The following METTL8 variants were observed in gnomAD, a reference collection of about 807,000 sequenced individuals.
METTL8 encodes methyltransferase 8, tRNA N3-cytidine.
A neutral mutation model predicts 48.7 loss-of-function variants in METTL8; 32 were observed. The observed-to-expected ratio is 0.66, with a 90% CI of 0.50 to 0.88. The LOEUF (loss-of-function observed/expected upper bound fraction) is 0.88. METTL8 is among the 40% of genes least tolerant of loss of function. The pLI, the probability that METTL8 is intolerant of heterozygous loss-of-function variation, is 0.00. For missense variants in METTL8, 464 were observed against 474.4 expected (o/e 0.98, Z 0.20); for synonymous variants, 136 against 157.1 (o/e 0.87, Z 1.01).
chr2:171,402,081 T>C (rs1292415587), intron 1 of METTL8, among the ~76,000 whole-genome samples: 1 of 152,108 alleles, frequency 6.6e-6, no homozygotes, highest in African/African-American at 2.4e-5. Flanking sequence ...AAAGATTAAG[T>C]CTACTAGTGG....
chr2:171,381,938 C>T (rs912231667), intron 2 of METTL8, among the ~76,000 whole-genome samples: 3 of 152,026 alleles, frequency 2.0e-5, no homozygotes, highest in African/African-American at 4.8e-5. Context: ...CGCATCACCA[C>T]GCCCAGCTAA....
chr2:171,345,226 A>G (rs1687150546), intron 3 of METTL8, among the ~76,000 whole-genome samples: 1 of 152,230 alleles, frequency 6.6e-6, no homozygotes, highest in African/African-American at 2.4e-5. Context: ...AAGAAGGAAT[A>G]TGCACGCTAA....
intron 2 of METTL8, among the ~76,000 whole-genome samples, chr2:171,375,904 T>C (rs545886179): frequency 6.6e-6 from 1 of 152,338 alleles, no homozygotes; most frequent in South Asian, 2.1e-4. Flanking sequence ...TTTCCTTTTA[T>C]TTTGCAGGTA....
chr2:171,381,938 C>A (rs912231667), intron 2 of METTL8, among the ~76,000 whole-genome samples: 3 of 152,026 alleles, frequency 2.0e-5, no homozygotes, highest in Admixed American at 6.6e-5. Flanking sequence ...CGCATCACCA[C>A]GCCCAGCTAA....
chr2:171,350,230 G>A (rs4668384), intron 3 of METTL8, among the ~76,000 whole-genome samples: 27,255 of 152,074 alleles, frequency 0.18, 3,029 homozygotes, highest in Admixed American at 0.28. Flanking sequence ...TTCTGTCCTC[G>A]CGACAGTTTG....
intron 1 of METTL8, among the ~76,000 whole-genome samples, chr2:171,418,586 T>C (rs79966839): frequency 0.047 from 7,119 of 152,276 alleles, 236 homozygotes; most frequent in African/African-American, 0.085. Flanking sequence ...ACTTATGTTA[T>C]ACTTCATGTT....
At chr2:171,391,276 CTACAG>C (rs1382548292) in intron 2 of METTL8, among the ~76,000 whole-genome samples, 3 of 152,200 alleles carry the variant, frequency 2.0e-5, no homozygotes, top group Admixed American at 2.0e-4. Context: ...ACTTAAGAGA[CTACAG>C]TATAGTGTAA....
chr2:171,429,643 A>G (rs755261569), intron 1 of METTL8, among the ~76,000 whole-genome samples: 5 of 152,254 alleles, frequency 3.3e-5, no homozygotes, highest in Non-Finnish European at 5.9e-5. Flanking sequence ...AGAAAGAGAC[A>G]AGATGAGGAG....
chr2:171,427,613 G>T (rs1198602891), intron 1 of METTL8, among the ~76,000 whole-genome samples: 7 of 152,168 alleles, frequency 4.6e-5, no homozygotes, highest in African/African-American at 1.7e-4. Context: ...GACTGTTGCA[G>T]ATCAGCTCCT....
At chr2:171,383,275 T>A (rs968966346) in intron 2 of METTL8, among the ~76,000 whole-genome samples, 1 of 152,148 alleles carries the variant, frequency 6.6e-6, no homozygotes, top group African/African-American at 2.4e-5. Flanking sequence ...TTAAGTGGGT[T>A]ACATAATAGA....
chr2:171,378,684 G>A (rs1205231148), intron 2 of METTL8, among the ~76,000 whole-genome samples: 1 of 151,734 alleles, frequency 6.6e-6, no homozygotes, highest in Non-Finnish European at 1.5e-5. Flanking sequence ...ATGGTAAAGG[G>A]ATCAATTCAC....
rs896804020 is a variant in METTL8 at position 171,323,532 on chromosome 2, C to G, written c.*640G>C. The G allele has an allele frequency of 6.6e-6, 1 of 152,056 alleles. No homozygotes were observed. The highest frequency in any genetic ancestry group is 1.5e-5 in the Non-Finnish European group (1 of 68,058). The allele number at this position is 152,056 out of a possible 1,614,324, so 9.4% of individuals were successfully genotyped here. ...TACAGGTGCGAGCCATTGCACCTGG[C>G]CTAACAACTTGTATATCTAAGAATA... On this transcript the variant is annotated 3_prime_UTR_variant, in exon 10 of 10. Transcript: ENST00000375258.
At chr2:171,349,679 C>G (rs1344555419) in intron 3 of METTL8, among the ~76,000 whole-genome samples, 1 of 152,036 alleles carries the variant, frequency 6.6e-6, no homozygotes, top group African/African-American at 2.4e-5. Flanking sequence ...GCATATAACC[C>G]AGAGGTGGGA....
Position 171,324,112 on chromosome 2 carries a change from C to G in METTL8, c.*60G>C. On this transcript the variant is annotated 3_prime_UTR_variant, in exon 10 of 10. Coordinates refer to ENST00000375258, the MANE Select transcript of METTL8 (RefSeq NM_001321154.2). ...TCATTGTCTTTTGAGAAACAATAGA[C>G]TTACAGTAGTCCTTGAATAGCACAG... The G allele has an allele frequency of 8.3e-7, 1 of 1,205,150 alleles. No individual in the cohort carries two copies. The allele number at this position is 1,205,150 out of a possible 1,614,324, so 74.7% of individuals were successfully genotyped here.
chr2:171,400,239 C>T (rs184292836), intron 1 of METTL8, among the ~76,000 whole-genome samples: 13 of 152,220 alleles, frequency 8.5e-5, no homozygotes, highest in Admixed American at 7.9e-4. Context: ...CCAGTCCAAG[C>T]AGTCTAATTA....
rs1261239441 is a variant in METTL8 at position 171,320,975 on chromosome 2, C to A, written c.*3197G>T. On this transcript the variant is annotated 3_prime_UTR_variant, in exon 10 of 10. Transcript: ENST00000375258. ...CTAGTCTAGGTTATCTACAAGCTGA[C>A]CCCCTTCCCATCTTTTCTACCTATC... 2 of 152,134 alleles carry A rather than the reference C, an allele frequency of 1.3e-5. No individual in the cohort carries two copies. The highest frequency in any genetic ancestry group is 2.9e-5 in the Non-Finnish European group (2 of 68,032). The allele number at this position is 152,134 out of a possible 1,614,324, so 9.4% of individuals were successfully genotyped here. A position where few individuals can be genotyped will look rare whatever the true frequency, so the allele number is the denominator to read the frequency against.
chr2:171,372,877 CTA>C (rs1686516360), intron 2 of METTL8, among the ~76,000 whole-genome samples: 1 of 152,176 alleles, frequency 6.6e-6, no homozygotes, highest in Non-Finnish European at 1.5e-5. Context: ...TTCATCCAAT[CTA>C]TCACTGATGG....
intron 2 of METTL8, among the ~76,000 whole-genome samples, chr2:171,366,904 A>AC (rs1273395476): frequency 6.6e-6 from 1 of 151,620 alleles, no homozygotes; most frequent in African/African-American, 2.4e-5. Context: ...AAAAAAAAAA[A>AC]AAAACTGGGA....
chr2:171,338,295 T>A (rs1378673199), intron 4 of METTL8, among the ~76,000 whole-genome samples: 1 of 152,146 alleles, frequency 6.6e-6, no homozygotes, highest in Admixed American at 6.5e-5. Context: ...TATGATGCCA[T>A]GTTAAATAGA....
Sources: allele counts gnomAD v4.1 joint callset (sites outside exome capture counted in the v4.1 genomes callset), GRCh38; gene constraint gnomAD v4.1.1; transcripts MANE v1.5; gene names NCBI Gene and HGNC (gene_info 2026-07-23, HGNC 2026-07-21).